The following CCSER1 variants were observed in gnomAD, a reference collection of about 807,000 sequenced individuals.
CCSER1 encodes coiled-coil serine rich protein 1.
In CCSER1, 41 loss-of-function variants were observed where a neutral mutation model predicts 82.0. That is an observed-to-expected ratio of 0.50 (90% CI 0.39 to 0.65). The LOEUF is 0.65. CCSER1 is among the 30% of genes least tolerant of loss of function. CCSER1 has a pLI of 0.00. For missense variants in CCSER1, 1,119 were observed against 1,064.2 expected, an observed-to-expected ratio of 1.05 and a Z score of -0.72; for synonymous variants, 414 against 383.9, an observed-to-expected ratio of 1.08 and a Z score of -0.92.
intron 10 of CCSER1, among the ~76,000 whole-genome samples, chr4:91,554,683 A>G (rs62309638): frequency 9.3e-5 from 14 of 151,146 alleles, no homozygotes; most frequent in Non-Finnish European, 1.8e-4. Flanking sequence ...ATTTTTTATT[A>G]AAATGCAAAA....
intron 10 of CCSER1, among the ~76,000 whole-genome samples, chr4:91,580,298 T>C (rs1763667672): frequency 6.6e-6 from 1 of 151,908 alleles, no homozygotes; most frequent in Non-Finnish European, 1.5e-5. Flanking sequence ...GCTCACTATG[T>C]TGACATTCTT....
chr4:91,595,943 TAAA>T (rs1170927227), intron 10 of CCSER1, among the ~76,000 whole-genome samples: 3,872 of 78,892 alleles, frequency 0.049, 76 homozygotes, highest in Middle Eastern at 0.074. Flanking sequence ...ACAGAGAACT[TAAA>T]AAAAAAAAAA....
chr4:90,724,131 TG>T, intron 7 of CCSER1, 140 bp downstream of exon 7: 17 of 530,494 alleles, frequency 3.2e-5, no homozygotes, highest in Non-Finnish European at 5.5e-5. Context: ...ATCGTTTTTT[TG>T]TGTGTTCCAT....
intron 9 of CCSER1, among the ~76,000 whole-genome samples, chr4:91,055,831 T>G: frequency 6.7e-6 from 1 of 149,314 alleles, no homozygotes; most frequent in East Asian, 2.0e-4. Context: ...GTGCATATGT[T>G]GGTCTGCATG....
intron 5 of CCSER1, among the ~76,000 whole-genome samples, chr4:90,495,860 AG>A (rs1343086091): frequency 3.3e-5 from 5 of 152,290 alleles, no homozygotes; most frequent in East Asian, 3.9e-4. Flanking sequence ...ATAGAATGGC[AG>A]GGAGGAGGAG....
chr4:90,358,484 A>G (rs1744736923), intron 3 of CCSER1, among the ~76,000 whole-genome samples: 1 of 152,254 alleles, frequency 6.6e-6, no homozygotes, highest in African/African-American at 2.4e-5. Flanking sequence ...GTACAAAATA[A>G]TTCTCAGTAA....
At chr4:90,772,236 G>A (rs1752281409) in intron 7 of CCSER1, among the ~76,000 whole-genome samples, 1 of 151,942 alleles carries the variant, frequency 6.6e-6, no homozygotes. Flanking sequence ...ACTGAGATAG[G>A]GAATAATATG....
intron 6 of CCSER1, among the ~76,000 whole-genome samples, chr4:90,650,595 T>A (rs1461733792): frequency 6.6e-6 from 1 of 152,178 alleles, no homozygotes; most frequent in Non-Finnish European, 1.5e-5. Flanking sequence ...ACAGCTAATA[T>A]CTACTCTTTA....
At chr4:90,180,711 A>G (rs1461768124) in intron 1 of CCSER1, among the ~76,000 whole-genome samples, 2 of 152,194 alleles carry the variant, frequency 1.3e-5, no homozygotes, top group Admixed American at 6.5e-5. Flanking sequence ...TCTCTCAGTC[A>G]TCTACCCTCT....
At chr4:91,497,475 T>C (rs1394084108) in intron 10 of CCSER1, among the ~76,000 whole-genome samples, 1 of 151,832 alleles carries the variant, frequency 6.6e-6, no homozygotes, top group African/African-American at 2.4e-5. Context: ...ATTCCTGTGA[T>C]ATAGATTATT....
intron 5 of CCSER1, among the ~76,000 whole-genome samples, chr4:90,533,039 C>T (rs1231555996): frequency 2.0e-5 from 3 of 150,044 alleles, no homozygotes; most frequent in East Asian, 2.0e-4. Context: ...TTACTATGGT[C>T]CCTTTGCATT....
chr4:90,560,098 T>A (rs1412492838), intron 5 of CCSER1, among the ~76,000 whole-genome samples: 4 of 152,222 alleles, frequency 2.6e-5, no homozygotes, highest in African/African-American at 9.6e-5. Flanking sequence ...GCATATCATA[T>A]AATTGGTGAT....
chr4:90,445,264 ATTTCTC>A, intron 4 of CCSER1, among the ~76,000 whole-genome samples: 1 of 152,076 alleles, frequency 6.6e-6, no homozygotes, highest in South Asian at 2.1e-4. Context: ...ATAACACATT[ATTTCTC>A]ATGTCAAAGA....
At chr4:90,329,174 CT>C (rs1738812628) in intron 3 of CCSER1, among the ~76,000 whole-genome samples, 1 of 152,060 alleles carries the variant, frequency 6.6e-6, no homozygotes, top group Non-Finnish European at 1.5e-5. Context: ...AATTGGAATA[CT>C]TTTTTGTCAG....
intron 10 of CCSER1, among the ~76,000 whole-genome samples, chr4:91,198,134 A>G (rs1171342476): frequency 2.6e-5 from 4 of 152,204 alleles, no homozygotes; most frequent in Non-Finnish European, 5.9e-5. Flanking sequence ...CAAATGACAG[A>G]TAATTGAACA....
intron 10 of CCSER1, among the ~76,000 whole-genome samples, chr4:91,109,641 A>G (rs1215107132): frequency 1.3e-5 from 2 of 152,192 alleles, no homozygotes; most frequent in African/African-American, 4.8e-5. Context: ...ATAATAGTTC[A>G]AGAGTTGGCA....
chr4:90,595,954 G>T lies in CCSER1; in HGVS notation c.1725-32071G>T, dbSNP rs528611563. Among the ~76,000 whole-genome samples the T allele has an allele frequency of 3.3e-5, 5 of 151,982 alleles. No individual in the cohort carries two copies. In the South Asian group the frequency reaches 1.0e-3, roughly 31 times the overall value. On this transcript the variant is annotated intron_variant, in intron 5 of 10. Coordinates refer to ENST00000509176, the MANE Select transcript of CCSER1 (RefSeq NM_001145065.2). ...AAAGACAGGTGCTTTGCAAATTTCA[G>T]TGTTCATACAAATAACCTGGAGAGT...
intron 10 of CCSER1, among the ~76,000 whole-genome samples, chr4:91,338,078 A>G (rs1453748872): frequency 2.6e-5 from 4 of 152,044 alleles, no homozygotes; most frequent in African/African-American, 7.2e-5. Flanking sequence ...TCCCTCTTGT[A>G]TGTGAACACT....
intron 6 of CCSER1, among the ~76,000 whole-genome samples, chr4:90,660,364 A>G (rs1012401068): frequency 6.6e-6 from 1 of 152,102 alleles, no homozygotes; most frequent in African/African-American, 2.4e-5. Context: ...AAAGAAGGAA[A>G]TCATGTATTT....
Sources: allele counts gnomAD v4.1 joint callset (sites outside exome capture counted in the v4.1 genomes callset), GRCh38; gene constraint gnomAD v4.1.1; transcripts MANE v1.5; gene names NCBI Gene and HGNC (gene_info 2026-07-23, HGNC 2026-07-21).